TMEFF2: variants seen among roughly 807,000 people sequenced by gnomAD.
TMEFF2 encodes the protein tomoregulin-2.
Under a neutral mutation model 53.8 loss-of-function variants are expected in TMEFF2, and 28 were observed. That is an observed-to-expected ratio of 0.52 (90% CI 0.39 to 0.71). The LOEUF (loss-of-function observed/expected upper bound fraction) is 0.71, where lower values mean the gene tolerates loss of function less well. Ranked by LOEUF, TMEFF2 falls within the 30% of genes least tolerant of loss-of-function variation. The probability of loss-of-function intolerance (pLI) is 0.00; values close to 1 mark genes in which losing one functional copy is unlikely to be tolerated. For missense variants in TMEFF2, 353 were observed against 455.2 expected, an observed-to-expected ratio of 0.78 and a Z score of 2.04; for synonymous variants, 162 against 166.3, an observed-to-expected ratio of 0.97 and a Z score of 0.20.
At chr2:192,096,729 T>C (rs897028609) in intron 4 of TMEFF2, among the ~76,000 whole-genome samples, 1 of 134,768 alleles carries the variant, frequency 7.4e-6, no homozygotes, top group African/African-American at 2.9e-5. Context: ...CAGGCTGGAG[T>C]GCAGTGGTAC....
chr2:192,002,489 T>G (rs960610480), intron 5 of TMEFF2, among the ~76,000 whole-genome samples: 9 of 152,114 alleles, frequency 5.9e-5, no homozygotes, highest in Non-Finnish European at 1.0e-4. Context: ...TTTTTTTTTT[T>G]TGTGAATAAG....
intron 4 of TMEFF2, among the ~76,000 whole-genome samples, chr2:192,086,122 G>C (rs1688664762): frequency 6.6e-6 from 1 of 152,038 alleles, no homozygotes; most frequent in Non-Finnish European, 1.5e-5. Context: ...ATGATATTAG[G>C]GAAAGGCAAT....
intron 7 of TMEFF2, among the ~76,000 whole-genome samples, chr2:191,997,780 T>TA (rs2105834153): frequency 6.6e-6 from 1 of 151,764 alleles, no homozygotes; most frequent in East Asian, 1.9e-4. Flanking sequence ...AATTTACTAT[T>TA]AAAAAAACCT....
At chr2:192,000,240 T>G (rs1051334370) in intron 5 of TMEFF2, among the ~76,000 whole-genome samples, 1 of 152,156 alleles carries the variant, frequency 6.6e-6, no homozygotes, top group African/African-American at 2.4e-5. Flanking sequence ...TATATGTTTC[T>G]CAAAGTCATG....
chr2:191,964,394 C>G (rs1161299151), intron 7 of TMEFF2, among the ~76,000 whole-genome samples: 1 of 62,090 alleles, frequency 1.6e-5, no homozygotes, highest in Non-Finnish European at 3.4e-5. Context: ...TTCTTTCTTT[C>G]TTTCTCTTTC....
At chr2:192,049,153 A>ATGTGTGTGTG (rs56231804) in intron 5 of TMEFF2, among the ~76,000 whole-genome samples, 4,497 of 151,430 alleles carry the variant, frequency 0.03, 102 homozygotes, top group Non-Finnish European at 0.036. Context: ...CATTTGGTCT[A>ATGTGTGTGTG]TGTGTGTGTG....
chr2:192,010,469 C>T (rs1033632223), intron 5 of TMEFF2, among the ~76,000 whole-genome samples: 1 of 152,112 alleles, frequency 6.6e-6, no homozygotes, highest in African/African-American at 2.4e-5. Flanking sequence ...GAGTGAACCC[C>T]AGGTAAGGTC....
intron 2 of TMEFF2, among the ~76,000 whole-genome samples, chr2:192,188,195 T>A (rs1691362328): frequency 1.3e-5 from 2 of 152,182 alleles, no homozygotes; most frequent in Admixed American, 6.5e-5. Flanking sequence ...TGTAAAAAAA[T>A]TATGATTTTA....
chr2:191,950,237 T>A lies in TMEFF2; in HGVS notation c.*74A>T. The A allele has an allele frequency of 7.1e-7, 1 of 1,409,710 alleles. No homozygotes were observed. Among genetic ancestry groups the A allele is most frequent in the Non-Finnish European group, 9.3e-7 (1 of 1,072,194 alleles). 87.3% of individuals were successfully genotyped at this position (1,409,710 alleles called of 1,614,324 possible). A position where few individuals can be genotyped will look rare whatever the true frequency, so the allele number is the denominator to read the frequency against. On this transcript the variant is annotated 3_prime_UTR_variant, in exon 10 of 10. Transcript: ENST00000272771. ...GGCAACATGTGTAGATCTCTTGTCT[T>A]ATTCTTTTGTCTATAATACTGTATT...
Position 191,950,231 on chromosome 2 carries a change from T to TGGTCGCCGTATCATTAAAAAAAG in TMEFF2, c.*79_*80insCTTTTTTTAATGATACGGCGACC. The TGGTCGCCGTATCATTAAAAAAAG allele has an allele frequency of 6.9e-7, 1 of 1,440,532 alleles. No homozygotes were observed. Among genetic ancestry groups the TGGTCGCCGTATCATTAAAAAAAG allele is most frequent in the Non-Finnish European group, 9.1e-7 (1 of 1,093,880 alleles). The allele number at this position is 1,440,532 out of a possible 1,614,324, so 89.2% of individuals were successfully genotyped here. ...ATGCAAGGCAACATGTGTAGATCTC[T>TGGTCGCCGTATCATTAAAAAAAG]TGTCTTATTCTTTTGTCTATAATAC... On this transcript the variant is annotated 3_prime_UTR_variant, in exon 10 of 10. Coordinates refer to ENST00000272771, the MANE Select transcript of TMEFF2 (RefSeq NM_016192.4).
chr2:192,136,385 C>G (rs1043604482), intron 4 of TMEFF2, among the ~76,000 whole-genome samples: 1 of 152,174 alleles, frequency 6.6e-6, no homozygotes, highest in Non-Finnish European at 1.5e-5. Context: ...TTCCTTATCT[C>G]TTGCCTTTTT....
intron 4 of TMEFF2, among the ~76,000 whole-genome samples, chr2:192,157,388 A>G (rs1690530164): frequency 6.6e-6 from 1 of 152,066 alleles, no homozygotes; most frequent in Non-Finnish European, 1.5e-5. Context: ...TTAGATTGTT[A>G]TATATATCTT....
chr2:192,186,303 C>A (rs954791838), intron 2 of TMEFF2, among the ~76,000 whole-genome samples: 1 of 152,136 alleles, frequency 6.6e-6, no homozygotes, highest in African/African-American at 2.4e-5. Flanking sequence ...TGAGCATCTC[C>A]ACTACCATCC....
At chr2:192,144,300 T>G (rs1175668933) in intron 4 of TMEFF2, among the ~76,000 whole-genome samples, 1 of 152,092 alleles carries the variant, frequency 6.6e-6, no homozygotes, top group Admixed American at 6.6e-5. Context: ...AAGATTAATT[T>G]TTCCTCATTG....
chr2:192,134,098 CA>C (rs1370312111), intron 4 of TMEFF2, among the ~76,000 whole-genome samples: 1 of 152,150 alleles, frequency 6.6e-6, no homozygotes, highest in Non-Finnish European at 1.5e-5. Context: ...TAGAGGCCCT[CA>C]AAATCACAAA....
At chr2:192,107,170 A>G (rs1018576698) in intron 4 of TMEFF2, among the ~76,000 whole-genome samples, 7 of 151,726 alleles carry the variant, frequency 4.6e-5, no homozygotes, top group African/African-American at 1.7e-4. Flanking sequence ...AGTTATTAAA[A>G]CTTTTTCAGT....
At chr2:191,973,482 T>C (rs1201500193) in intron 7 of TMEFF2, among the ~76,000 whole-genome samples, 1 of 152,030 alleles carries the variant, frequency 6.6e-6, no homozygotes, top group Non-Finnish European at 1.5e-5. Flanking sequence ...TATACATGCA[T>C]ACATATATAT....
chr2:192,050,960 C>G (rs1687755356), intron 5 of TMEFF2, among the ~76,000 whole-genome samples: 1 of 152,054 alleles, frequency 6.6e-6, no homozygotes, highest in African/African-American at 2.4e-5. Context: ...GTGCACTCCC[C>G]ACCCCGAAAC....
intron 4 of TMEFF2, among the ~76,000 whole-genome samples, chr2:192,147,155 C>T (rs979368755): frequency 3.3e-5 from 5 of 151,866 alleles, no homozygotes; most frequent in African/African-American, 1.2e-4. Flanking sequence ...TAAGAAGAAA[C>T]AGGAACTCTT....
Sources: gnomAD v4.1 joint callset for allele counts (sites outside exome capture counted in the v4.1 genomes callset) on GRCh38, gnomAD v4.1.1 for gene constraint, MANE v1.5 for transcripts, NCBI Gene and HGNC (gene_info 2026-07-23, HGNC 2026-07-21) for gene names.